GALNT6: variants seen among roughly 807,000 people sequenced by gnomAD.
The protein encoded by GALNT6 is GalNAc transferase 6.
Under a neutral mutation model 65.9 loss-of-function variants are expected in GALNT6, and 51 were observed. That is an observed-to-expected ratio of 0.77 (90% confidence interval 0.62 to 0.98). GALNT6 has a LOEUF of 0.98. GALNT6 is among the 50% of genes least tolerant of loss of function. The probability of loss-of-function intolerance (pLI) is 0.00; values close to 1 mark genes in which losing one functional copy is unlikely to be tolerated. For synonymous variants in GALNT6, 323 were observed against 315.1 expected (o/e 1.02, Z -0.26); for missense variants, 708 against 803.3 (o/e 0.88, Z 1.43).
chr12:51,358,431 G>T (rs1455117181), intron 8 of GALNT6, among the ~76,000 whole-genome samples, 170 bp from the exon 9 acceptor site: 2 of 151,994 alleles, frequency 1.3e-5, no homozygotes, highest in Non-Finnish European at 2.9e-5. Context: ...CTCCTGAGTA[G>T]CTGGGACTAC....
rs200846978 is a variant in GALNT6, at chr12:51,379,556, G to A, written c.226C>T (p.Pro76Ser). The A allele has an allele frequency of 7.4e-6, 12 of 1,613,994 alleles. No homozygotes were observed. Among genetic ancestry groups the A allele is most frequent in the African/African-American group, 1.3e-5 (1 of 74,900 alleles). The part of the protein sequence containing the change: ...DSMPKLQIRA[P>S]EAQQTLFSIN... ...GAGAACAGAGTCTGCTGGGCTTCTGGAGCCCTGATTTGGAGCTTGGGCATT... is the reference window on the plus strand; with the variant it reads ...GAGAACAGAGTCTGCTGGGCTTCTGAAGCCCTGATTTGGAGCTTGGGCATT... Residue 76 changes from proline (P) to serine (S), a missense_variant, in exon 3 of 12, where the codon CCA becomes TCA. Pro to Ser is a moderately conservative substitution (Grantham distance 74, BLOSUM62 -1). Transcript: ENST00000356317.
At chr12:51,381,718 T>C (rs895232085) in intron 2 of GALNT6, among the ~76,000 whole-genome samples, 1 of 152,230 alleles carries the variant, frequency 6.6e-6, no homozygotes, top group African/African-American at 2.4e-5. Context: ...AATACCTAAC[T>C]CACAGGGTTG....
At chr12:51,368,167 A>G (rs1947171154) in intron 4 of GALNT6, among the ~76,000 whole-genome samples, 2 of 151,642 alleles carry the variant, frequency 1.3e-5, no homozygotes. Context: ...GCAGATTAAG[A>G]TGAGAAGGCC....
At chr12:51,363,128 T>C (rs1376618449) in intron 6 of GALNT6, among the ~76,000 whole-genome samples, 1 of 152,214 alleles carries the variant, frequency 6.6e-6, no homozygotes, top group Non-Finnish European at 1.5e-5. Context: ...CCGTCCTGGA[T>C]GTATATTCAG....
Position 51,365,446 on chromosome 12 carries a change from C to T in GALNT6, c.798G>A (p.Thr266=), listed in dbSNP as rs776396123. 26 of 1,610,408 alleles carry T rather than the reference C, an allele frequency of 1.6e-5. No homozygotes were observed. The highest frequency in any genetic ancestry group is 1.3e-4 in the East Asian group (6 of 44,848). ...GASVAQAEVL[T]FLDAHCECFH... ...GGTACTCACAGTGGGCATCCAGGAA[C>T]GTGAGCACCTCCGCCTGTGCCACGC... Residue 266 remains threonine (T), a synonymous_variant, in exon 5 of 12, where the codon ACG becomes ACA. Transcript: ENST00000356317.
At chr12:51,384,562 T>A (rs35511457) in intron 2 of GALNT6, among the ~76,000 whole-genome samples, 3 of 151,528 alleles carry the variant, frequency 2.0e-5, no homozygotes, top group African/African-American at 7.3e-5. Flanking sequence ...CATGGTGGCA[T>A]GTGCCTGTAA....
chr12:51,365,928 T>C (rs145387911), intron 4 of GALNT6, among the ~76,000 whole-genome samples: 25 of 152,322 alleles, frequency 1.6e-4, no homozygotes, highest in African/African-American at 5.3e-4. Context: ...CTTTTTGTTG[T>C]TGTTGTTGAG....
In GALNT6 at chr12:51,362,048, C is replaced by T. The variant is rs576830276; in HGVS notation, c.1050-1210G>A. Among the ~76,000 whole-genome samples the T allele has an allele frequency of 2.0e-4, 30 of 152,246 alleles. 1 individual carries two copies. In the South Asian group the frequency reaches 5.4e-3, roughly 27 times the overall value. ...GCCACTTTCTGGAAGGAATTTCAGT[C>T]GTGCTCAGGCTGGCTTCCTATCACT... On this transcript the variant is annotated intron_variant, in intron 6 of 11. Transcript: ENST00000356317.
intron 4 of GALNT6, among the ~76,000 whole-genome samples, chr12:51,367,918 C>A (rs1947162429): frequency 6.6e-6 from 1 of 152,128 alleles, no homozygotes; most frequent in African/African-American, 2.4e-5. Flanking sequence ...AAGTGACTAG[C>A]CCAGGGTGGC....
In GALNT6 at chr12:51,360,844, G is replaced by C. The variant is rs546981157; in HGVS notation, c.1050-6C>G. 2 of 1,578,290 alleles carry C rather than the reference G, an allele frequency of 1.3e-6. No homozygotes were observed. The highest frequency in any genetic ancestry group is 1.7e-6 in the Non-Finnish European group (2 of 1,147,374). On this transcript the variant is annotated splice_region_variant and splice_polypyrimidine_tract_variant and intron_variant, in intron 6 of 11. Transcript: ENST00000356317. The stretch of plus-strand genomic sequence containing the variant: ...CACCAGCAAACGTCGGGGATCTGGA[G>C]AGACAGAGGGAGAAGTGTGTGCATC...
At position 51,357,409 on chromosome 12, in the gene GALNT6, C is replaced by T. The variant is rs201113451; in HGVS notation, c.1542G>A (p.Glu514=). 2.5e-6 allele frequency: 4 copies of T among 1,614,096 alleles called. No individual in the cohort carries two copies. Among genetic ancestry groups the T allele is most frequent in the South Asian group, 2.2e-5 (2 of 91,078 alleles). The stretch of plus-strand genomic sequence containing the variant: ...TGAGGGGCTTCCCCCCGCGGTTGTT[C>T]TCACCCACATCCAGGCATTGGTTGG... ...LGTNQCLDVG[E]NNRGGKPLIM... The change falls in exon 10 of 12, where the codon GAG becomes GAA. Residue 514 remains glutamate, a synonymous_variant. Transcript: ENST00000356317.
intron 4 of GALNT6, among the ~76,000 whole-genome samples, chr12:51,369,016 G>A (rs747685142): frequency 1.3e-5 from 2 of 152,196 alleles, no homozygotes; most frequent in African/African-American, 4.8e-5. Context: ...CTGCAGCCCC[G>A]GGTGCTGGCC....
intron 4 of GALNT6, among the ~76,000 whole-genome samples, chr12:51,368,128 C>CT (rs1211789662): frequency 1.4e-4 from 21 of 146,688 alleles, no homozygotes; most frequent in East Asian, 7.9e-4. Context: ...AGGCCACGGA[C>CT]TTTTTTTTTT....
chr12:51,364,193 C>A lies in GALNT6; in HGVS notation c.977G>T (p.Ser326Ile), dbSNP rs762514846. The change falls in exon 6 of 12, where the codon AGC becomes ATC. Residue 326 changes from serine to isoleucine, a missense_variant. Physicochemically the swap from Ser to Ile is moderately radical, Grantham distance 142. Coordinates refer to ENST00000356317, the MANE Select transcript of GALNT6 (RefSeq NM_007210.4). ...AAGTGTTTCCCAGCCGAAGGTCAGG[C>A]TCCAGTCAAAGTTGCCTCGGCTATG... The part of the protein sequence containing the change: ...RVHSRGNFDW[S>I]LTFGWETLPP... The A allele has an allele frequency of 1.9e-6, 3 of 1,614,204 alleles. No homozygotes were observed. The highest frequency in any genetic ancestry group is 2.2e-5 in the East Asian group (1 of 44,890).
rs201425509 is a variant in GALNT6 at position 51,379,676 on chromosome 12, C to T, written c.106G>A (p.Glu36Lys). 38 of 1,614,142 alleles carry T rather than the reference C, an allele frequency of 2.4e-5. No individual in the cohort carries two copies. Among genetic ancestry groups the T allele is most frequent in the Admixed American group, 1.7e-5 (1 of 60,032 alleles). The change falls in exon 3 of 12, where the codon GAG becomes AAG. Residue 36 changes from glutamate (E) to lysine (K), a missense_variant. Glu to Lys is a moderately conservative substitution (Grantham distance 56). Transcript: ENST00000356317. ...LLHRDVSSRE[E>K]ATEKPWLKSL... ...TTCAGCCACGGCTTCTCTGTGGCCTCCTCTCTGCTGCTCACATCCCTATGC... is the reference window on the plus strand; with the variant it reads ...TTCAGCCACGGCTTCTCTGTGGCCTTCTCTCTGCTGCTCACATCCCTATGC...
At chr12:51,386,297 C>G (rs1192415301) in intron 2 of GALNT6, among the ~76,000 whole-genome samples, 1 of 152,210 alleles carries the variant, frequency 6.6e-6, no homozygotes, top group African/African-American at 2.4e-5. Flanking sequence ...GTTTACCACA[C>G]TCATACCCGT....
rs564723849 is a variant in GALNT6 at position 51,377,578 on chromosome 12, C to T, written c.492-211G>A. Reference sequence around the variant, plus strand: ...AGCCTTTGCACAGGTTCTAGCCAAACCACTCCAAAATCCATCCCCACAGAG... The same window carrying T: ...AGCCTTTGCACAGGTTCTAGCCAAATCACTCCAAAATCCATCCCCACAGAG... On this transcript the variant is annotated intron_variant, in intron 3 of 11. Transcript: ENST00000356317. 2.6e-5 allele frequency among the ~76,000 whole-genome samples: 4 copies of T among 152,256 alleles called. No individual in the cohort carries two copies. The East Asian group carries it at 7.7e-4, about 29-fold the overall frequency.
intron 2 of GALNT6, among the ~76,000 whole-genome samples, chr12:51,380,490 G>A (rs1273460928): frequency 6.6e-6 from 1 of 152,212 alleles, no homozygotes; most frequent in African/African-American, 2.4e-5. Flanking sequence ...GATACATACA[G>A]TATGATTCCA....
chr12:51,372,870 G>A (rs1006211223), intron 4 of GALNT6, among the ~76,000 whole-genome samples: 10 of 152,228 alleles, frequency 6.6e-5, no homozygotes, highest in South Asian at 6.2e-4. Flanking sequence ...TTGCATCAGC[G>A]TGACCTGGAT....
Sources: gnomAD v4.1 joint callset for allele counts (sites outside exome capture counted in the v4.1 genomes callset) on GRCh38, gnomAD v4.1.1 for gene constraint, MANE v1.5 for transcripts, NCBI Gene and HGNC (gene_info 2026-07-23, HGNC 2026-07-21) for gene names.